Variants in ANKRD55 observed in about 807,000 individuals in gnomAD.
The protein encoded by ANKRD55 is ankyrin repeat domain-containing protein 55.
In ANKRD55, 41 loss-of-function variants were observed where a neutral mutation model predicts 60.6. The observed-to-expected ratio is 0.68, with a 90% CI of 0.53 to 0.88. The LOEUF (loss-of-function observed/expected upper bound fraction) is 0.88, where lower values mean the gene tolerates loss of function less well. Among genes scored for constraint, ANKRD55 ranks in the 40% least tolerant of loss-of-function variants. ANKRD55 has a pLI of 0.00. For missense variants in ANKRD55, 732 were observed against 767.6 expected (o/e 0.95, Z 0.55); for synonymous variants, 264 against 290.3 (o/e 0.91, Z 0.92).
chr5:56,218,262 T>C (rs1033667431), intron 2 of ANKRD55, among the ~76,000 whole-genome samples: 2 of 152,328 alleles, frequency 1.3e-5, no homozygotes, highest in African/African-American at 2.4e-5. Context: ...TTGGAGAGAA[T>C]TGACTCCAGT....
In ANKRD55 at chr5:56,106,420, C is replaced by CTTTTTTTTTTT. The variant is rs71602938; in HGVS notation, c.1631-3845_1631-3835dup. ...AATAAAATCCGTAAGGCTAGGAAAG[C>CTTTTTTTTTTT]TTTTTTTTTTTTTTTTTTTTTTTGA... On this transcript the variant is annotated intron_variant, in intron 10 of 11. Coordinates refer to ENST00000341048, the MANE Select transcript of ANKRD55 (RefSeq NM_024669.3). Among the ~76,000 whole-genome samples, 8 of 96,918 alleles carry CTTTTTTTTTTT rather than the reference C, an allele frequency of 8.3e-5. 1 individual carries two copies. The highest frequency in any genetic ancestry group is 4.7e-4 in the African/African-American group (8 of 17,138). 63.6% of individuals were successfully genotyped at this position (96,918 alleles called of 152,430 possible). A position where few individuals can be genotyped will look rare whatever the true frequency, so the allele number is the denominator to read the frequency against.
chr5:56,223,533 G>T (rs1237934724), intron 2 of ANKRD55, among the ~76,000 whole-genome samples: 2 of 152,162 alleles, frequency 1.3e-5, no homozygotes, highest in African/African-American at 2.4e-5. Flanking sequence ...TGGGCTAAAT[G>T]CTCCAATTAA....
intron 7 of ANKRD55, among the ~76,000 whole-genome samples, chr5:56,141,182 G>A (rs536936282): frequency 7.5e-6 from 1 of 133,152 alleles, no homozygotes; most frequent in South Asian, 2.5e-4. Flanking sequence ...ATATTGCCCA[G>A]GTTAGTCTTG....
intron 4 of ANKRD55, among the ~76,000 whole-genome samples, chr5:56,173,582 C>CTCTCTCTATATATATATA (rs1484157730): frequency 2.2e-5 from 1 of 45,244 alleles, no homozygotes; most frequent in Non-Finnish European, 3.8e-5. Flanking sequence ...CTCTCTCTCT[C>CTCTCTCTATATATATATA]TATATATATA....
Position 56,170,725 on chromosome 5 carries a change from G to C in ANKRD55, c.391C>G (p.Leu131Val). The change falls in exon 5 of 12, where the codon CTG (leucine) becomes GTG (valine). Residue 131 changes from leucine to valine, a missense_variant. Leu to Val is a conservative substitution (Grantham distance 32). This residue lies in a region of ANKRD55 where 597 missense variants were observed against 607.5 expected (regional missense o/e 0.98). Transcript: ENST00000341048. ...NIPDKNGRLPLHAATAEPDMR... is the reference protein window; with the variant it reads ...NIPDKNGRLPVHAATAEPDMR... ...TCGGGCTCAGCAGTGGCAGCATGCA[G>C]TGGCAGGCGGCCATTTTTATCTGGG... 1 of 1,614,150 alleles carries C rather than the reference G, an allele frequency of 6.2e-7. No individual in the cohort carries two copies. The highest frequency in any genetic ancestry group is 1.1e-5 in the South Asian group (1 of 91,090).
intron 6 of ANKRD55, among the ~76,000 whole-genome samples, chr5:56,145,344 C>A (rs1223787737): frequency 6.6e-6 from 1 of 152,176 alleles, no homozygotes; most frequent in Non-Finnish European, 1.5e-5. Flanking sequence ...TGGAAACCTT[C>A]CCCAGGCCTG....
At chr5:56,173,748 T>C (rs993505772) in intron 4 of ANKRD55, among the ~76,000 whole-genome samples, 1 of 151,400 alleles carries the variant, frequency 6.6e-6, no homozygotes. Flanking sequence ...TTCTCCATGT[T>C]GGTCAGGCTG....
intron 2 of ANKRD55, among the ~76,000 whole-genome samples, chr5:56,203,529 C>T (rs954115381): frequency 1.3e-4 from 20 of 152,142 alleles, no homozygotes; most frequent in African/African-American, 4.6e-4. Context: ...TTCCCCTTCC[C>T]CTGTGTCCAT....
intron 2 of ANKRD55, among the ~76,000 whole-genome samples, chr5:56,197,309 G>A (rs947150796): frequency 6.6e-6 from 1 of 152,112 alleles, no homozygotes; most frequent in African/African-American, 2.4e-5. Context: ...TTATATTGAG[G>A]CAGGAAGGGT....
intron 8 of ANKRD55, among the ~76,000 whole-genome samples, chr5:56,120,248 GA>G: frequency 6.6e-6 from 1 of 152,206 alleles, no homozygotes; most frequent in South Asian, 2.1e-4. Context: ...TGTTGGCCAG[GA>G]TGGTTTCGAT....
At chr5:56,137,419 T>C in intron 7 of ANKRD55, 2 of 865,964 alleles carry the variant, frequency 2.3e-6, no homozygotes, top group South Asian at 1.3e-5. Context: ...CACACTGAGA[T>C]GATCCTTACT....
intron 11 of ANKRD55, among the ~76,000 whole-genome samples, chr5:56,100,740 T>C (rs1756246994): frequency 6.6e-6 from 1 of 152,226 alleles, no homozygotes; most frequent in Admixed American, 6.5e-5. Flanking sequence ...TAGAGCTAAG[T>C]TGATCAAAGA....
At chr5:56,204,204 C>G (rs992341154) in intron 2 of ANKRD55, among the ~76,000 whole-genome samples, 4 of 152,088 alleles carry the variant, frequency 2.6e-5, no homozygotes, top group African/African-American at 7.2e-5. Flanking sequence ...TGTTTGAGTT[C>G]ATTGTAGATT....
Position 56,207,533 on chromosome 5 carries a change from C to T in ANKRD55, c.59-23899G>A, listed in dbSNP as rs571566316. ...TCTACACAAACCTAGATGGTATAGC[C>T]CACTACACACCCAGACTACATGGTA... On this transcript the variant is annotated intron_variant, in intron 2 of 11. Coordinates refer to ENST00000341048, the MANE Select transcript of ANKRD55 (RefSeq NM_024669.3). Among the ~76,000 whole-genome samples, 3 of 152,178 alleles carry T rather than the reference C, an allele frequency of 2.0e-5. No homozygotes were observed. The East Asian group carries it at 5.8e-4, about 29-fold the overall frequency.
intron 6 of ANKRD55, among the ~76,000 whole-genome samples, chr5:56,145,957 C>T (rs187261159): frequency 6.6e-6 from 1 of 152,252 alleles, no homozygotes; most frequent in Non-Finnish European, 1.5e-5. Flanking sequence ...CTAATTGGTC[C>T]TCTTCATTTT....
rs1756217738 is a variant in ANKRD55 at position 56,099,889 on chromosome 5, G to T, written c.*294C>A. ...ACAATAACAAAAAAACAGTGCACAT[G>T]CCACAAAGCAAACCAAACATAGCTC... On this transcript the variant is annotated 3_prime_UTR_variant, in exon 12 of 12. Transcript: ENST00000341048. 1 of 252,998 alleles carries T rather than the reference G, an allele frequency of 4.0e-6. No homozygotes were observed. The highest frequency in any genetic ancestry group is 7.6e-6 in the Non-Finnish European group (1 of 132,374). The allele number at this position is 252,998 out of a possible 1,614,324, so 15.7% of individuals were successfully genotyped here. A position where few individuals can be genotyped will look rare whatever the true frequency, so the allele number is the denominator to read the frequency against.
At chr5:56,118,684 G>A (rs1441717060) in intron 8 of ANKRD55, among the ~76,000 whole-genome samples, 1 of 151,072 alleles carries the variant, frequency 6.6e-6, no homozygotes, top group Non-Finnish European at 1.5e-5. Flanking sequence ...TTTCAGAACG[G>A]AACAATAAGA....
intron 2 of ANKRD55, among the ~76,000 whole-genome samples, chr5:56,194,873 C>A (rs1759194462): frequency 6.6e-6 from 1 of 152,178 alleles, no homozygotes; most frequent in African/African-American, 2.4e-5. Context: ...CTCTTTCTAA[C>A]TACATAGTTA....
At chr5:56,150,877 C>A (rs532073963) in intron 6 of ANKRD55, among the ~76,000 whole-genome samples, 1 of 152,048 alleles carries the variant, frequency 6.6e-6, no homozygotes, top group Non-Finnish European at 1.5e-5. Flanking sequence ...CCAGCCTTGG[C>A]GACAAAGCGA....
Sources: gnomAD v4.1 joint callset for allele counts (sites outside exome capture counted in the v4.1 genomes callset) on GRCh38, gnomAD v4.1.1 for gene constraint, gnomAD v4.1.1 regional missense constraint, MANE v1.5 for transcripts, NCBI Gene and HGNC (gene_info 2026-07-23, HGNC 2026-07-21) for gene names.